SYN3: variants seen among roughly 807,000 people sequenced by gnomAD.
SYN3 encodes synapsin-3.
A neutral mutation model predicts 65.8 loss-of-function variants in SYN3; 35 were observed. The observed-to-expected ratio is 0.53, with a 90% CI of 0.41 to 0.70. SYN3 has a LOEUF of 0.70. Ranked by LOEUF, SYN3 falls within the 30% of genes least tolerant of loss-of-function variation. The pLI is 0.00. For missense variants in SYN3, 680 were observed against 749.0 expected, an observed-to-expected ratio of 0.91 and a Z score of 1.08; for synonymous variants, 270 against 292.9, an observed-to-expected ratio of 0.92 and a Z score of 0.80.
At chr22:32,879,777 G>T (rs946893955) in intron 4 of SYN3, among the ~76,000 whole-genome samples, 1 of 152,216 alleles carries the variant, frequency 6.6e-6, no homozygotes, top group Non-Finnish European at 1.5e-5. Context: ...GTACTCAAGG[G>T]ATCCACATGG....
chr22:32,846,766 C>G (rs2146227086), intron 6 of SYN3, among the ~76,000 whole-genome samples: 1 of 152,294 alleles, frequency 6.6e-6, no homozygotes, highest in African/African-American at 2.4e-5. Context: ...AGGCACTGGG[C>G]TAAGAAAGCC....
At chr22:32,890,883 G>A (rs912752261) in intron 4 of SYN3, among the ~76,000 whole-genome samples, 10 of 152,074 alleles carry the variant, frequency 6.6e-5, no homozygotes, top group African/African-American at 2.2e-4. Flanking sequence ...CCCTACTAGC[G>A]TGTCCTCTTG....
At chr22:32,939,248 G>A (rs1201042076) in intron 3 of SYN3, among the ~76,000 whole-genome samples, 2 of 152,190 alleles carry the variant, frequency 1.3e-5, no homozygotes, top group African/African-American at 4.8e-5. Flanking sequence ...GAAAGGGAAT[G>A]AGAAATGGAA....
intron 6 of SYN3, among the ~76,000 whole-genome samples, chr22:32,600,331 A>T (rs2059263829): frequency 6.6e-6 from 1 of 152,032 alleles, no homozygotes; most frequent in African/African-American, 2.4e-5. Flanking sequence ...CTCTGATCTG[A>T]CAGGAGATGG....
chr22:32,660,085 T>G (rs1168989528), intron 6 of SYN3, among the ~76,000 whole-genome samples: 1 of 152,182 alleles, frequency 6.6e-6, no homozygotes. Flanking sequence ...TCATATTCAG[T>G]AACTGATCCC....
At chr22:32,865,509 C>T (rs779639509) in intron 5 of SYN3, among the ~76,000 whole-genome samples, 9 of 152,194 alleles carry the variant, frequency 5.9e-5, no homozygotes, top group Non-Finnish European at 1.0e-4. Flanking sequence ...ACTGGAGATC[C>T]AACCTCATGG....
intron 6 of SYN3, among the ~76,000 whole-genome samples, chr22:32,770,887 A>AACACATATGTGTTCAATTAACACATATG: frequency 6.6e-6 from 1 of 151,998 alleles, no homozygotes; most frequent in African/African-American, 2.4e-5. Flanking sequence ...GTGTTCAGTT[A>AACACATATGTGTTCAATTAACACATATG]TTATTATTAT....
intron 7 of SYN3, among the ~76,000 whole-genome samples, chr22:32,572,038 G>A (rs998402438): frequency 9.9e-5 from 15 of 151,896 alleles, no homozygotes; most frequent in African/African-American, 2.7e-4. Flanking sequence ...CCCAGAGCTC[G>A]CTCACAGGAG....
rs959641920 is a variant in SYN3, at chr22:32,857,186, T to A, written c.711+7729A>T. 3.2e-6 allele frequency: 4 copies of A among 1,240,186 alleles called. No individual in the cohort carries two copies. The African/African-American group carries it at 4.5e-5, about 14-fold the overall frequency. The allele number at this position is 1,240,186 out of a possible 1,614,324, so 76.8% of individuals were successfully genotyped here. Reference sequence around the variant, plus strand: ...TTTGGATACATACCCAGCAGTGGGATTAGGGATCATACGGGTGTCCAAACT... The same window carrying A: ...TTTGGATACATACCCAGCAGTGGGAATAGGGATCATACGGGTGTCCAAACT... On this transcript the variant is annotated intron_variant, in intron 6 of 13. Transcript: ENST00000358763.
chr22:32,517,966 C>T, intron 13 of SYN3, 77 bp downstream of exon 13: 6 of 1,384,192 alleles, frequency 4.3e-6, no homozygotes, highest in Non-Finnish European at 5.6e-6. Context: ...GTCTCCAAGT[C>T]CCTAACCCTG....
intron 7 of SYN3, chr22:32,583,484 A>T (rs536339918): frequency 6.6e-6 from 1 of 152,330 alleles, no homozygotes; most frequent in East Asian, 1.9e-4. Flanking sequence ...GCAGACATAT[A>T]GGCTGTGTTC....
At chr22:32,941,733 T>C (rs548502116) in intron 3 of SYN3, among the ~76,000 whole-genome samples, 5 of 152,202 alleles carry the variant, frequency 3.3e-5, no homozygotes, top group African/African-American at 1.2e-4. Flanking sequence ...ACCTGGAAAA[T>C]TGGGTAACTC....
chr22:32,966,795 C>T (rs1320647234), intron 3 of SYN3, among the ~76,000 whole-genome samples: 1 of 152,068 alleles, frequency 6.6e-6, no homozygotes, highest in Non-Finnish European at 1.5e-5. Flanking sequence ...GCGCACCTGT[C>T]ATCGCGGCTA....
intron 3 of SYN3, among the ~76,000 whole-genome samples, chr22:32,947,996 G>A (rs1287734225): frequency 2.6e-5 from 4 of 152,128 alleles, no homozygotes; most frequent in Non-Finnish European, 5.9e-5. Flanking sequence ...TGAGGTCCTC[G>A]TTTCCTGGGA....
chr22:32,945,379 T>C (rs2051074877), intron 3 of SYN3, among the ~76,000 whole-genome samples: 1 of 151,988 alleles, frequency 6.6e-6, no homozygotes, highest in Non-Finnish European at 1.5e-5. Context: ...CCCTCAGAAA[T>C]AATACCACAC....
At chr22:32,987,988 A>C (rs1298701181) in intron 2 of SYN3, among the ~76,000 whole-genome samples, 1 of 152,046 alleles carries the variant, frequency 6.6e-6, no homozygotes, top group East Asian at 1.9e-4. Context: ...GGGAGATTGG[A>C]CTTCAGTTGG....
At chr22:33,052,346 G>A (rs2054181590) in intron 1 of SYN3, among the ~76,000 whole-genome samples, 1 of 151,318 alleles carries the variant, frequency 6.6e-6, no homozygotes, top group African/African-American at 2.5e-5. Context: ...ACTGCAGTAA[G>A]AGACTGCAGT....
At chr22:32,667,362 A>G (rs2060302832) in intron 6 of SYN3, among the ~76,000 whole-genome samples, 1 of 151,788 alleles carries the variant, frequency 6.6e-6, no homozygotes, top group Non-Finnish European at 1.5e-5. Context: ...TGAAGGGATC[A>G]TACTATGTAT....
intron 6 of SYN3, among the ~76,000 whole-genome samples, chr22:32,604,622 C>T (rs1414773720): frequency 7.3e-6 from 1 of 136,312 alleles, no homozygotes; most frequent in African/African-American, 2.8e-5. Flanking sequence ...AAAGCCCTCC[C>T]GGGCCACTGG....
Sources: gnomAD v4.1 joint callset for allele counts (sites outside exome capture counted in the v4.1 genomes callset) on GRCh38, gnomAD v4.1.1 for gene constraint, MANE v1.5 for transcripts, NCBI Gene and HGNC (gene_info 2026-07-23, HGNC 2026-07-21) for gene names.